Variants in MYO1A observed in about 807,000 individuals in gnomAD.
The protein encoded by MYO1A is myosin IA.
Under a neutral mutation model 138.5 loss-of-function variants are expected in MYO1A, and 127 were observed. The ratio of observed to expected loss-of-function variants is 0.92; its 90% CI spans 0.79 to 1.06. The LOEUF (loss-of-function observed/expected upper bound fraction) is 1.06, where lower values mean the gene tolerates loss of function less well. MYO1A is among the 50% of genes least tolerant of loss of function. The pLI is 0.00. For missense variants in MYO1A, 1,211 were observed against 1,288.8 expected (o/e 0.94, Z 0.92); for synonymous variants, 477 against 497.5 (o/e 0.96, Z 0.55).
At chr12:57,029,917 C>T in intron 24 of MYO1A, 45 bp from the exon 25 acceptor site, 1 of 1,614,002 alleles carries the variant, frequency 6.2e-7, no homozygotes, top group Non-Finnish European at 8.5e-7. Flanking sequence ...GCCCAGAGGC[C>T]TCTTCCCCAC....
chr12:57,042,622 A>T (rs566581825), intron 12 of MYO1A, among the ~76,000 whole-genome samples: 22 of 152,060 alleles, frequency 1.4e-4, no homozygotes, highest in African/African-American at 4.6e-4. Flanking sequence ...TATTTAACTT[A>T]TTTTTTTTCA....
chr12:57,039,472 C>T (rs752325291), intron 14 of MYO1A, 198 bp from the exon 15 acceptor site: 6 of 614,116 alleles, frequency 9.8e-6, no homozygotes, highest in African/African-American at 1.8e-5. Flanking sequence ...TAGACAGACA[C>T]ACGGAAGGAA....
chr12:57,032,430 GATGTCAGATAATGGCATCTGCTGTGATGC>G (rs1402913427), intron 22 of MYO1A, among the ~76,000 whole-genome samples: 2 of 152,212 alleles, frequency 1.3e-5, no homozygotes, highest in Non-Finnish European at 2.9e-5. Flanking sequence ...TATATAGTGT[GATGTCAGATAATGGCATCTGCTGTGATGC>G]AAAGAAGTAG....
At position 57,047,087 on chromosome 12, in the gene MYO1A, T is replaced by C; in HGVS notation, c.451A>G (p.Ile151Val). The change falls in exon 6 of 28, where the codon ATT becomes GTT. Residue 151 changes from isoleucine (I) to valine (V), a missense_variant. Transcript: ENST00000300119. ...VLEAFGNAKT[I>V]RNNNSSRFGK... ...AATCGGGAGGAATTGTTGTTGCGAATGGTCTTGGCATTGCCAAAAGCTACA... is the reference window on the plus strand; with the variant it reads ...AATCGGGAGGAATTGTTGTTGCGAACGGTCTTGGCATTGCCAAAAGCTACA... 1 of 1,614,160 alleles carries C rather than the reference T, an allele frequency of 6.2e-7. No homozygotes were observed. Among genetic ancestry groups the C allele is most frequent in the South Asian group, 1.1e-5 (1 of 91,084 alleles).
Position 57,033,686 on chromosome 12 carries a change from G to A in MYO1A, c.2350-2512C>T, listed in dbSNP as rs1398679926. ...GGTTTTACATCCCATAGAGCACCTAGCAACCTGTTTGTTTATGGCACAGAA... is the reference window on the plus strand; with the variant it reads ...GGTTTTACATCCCATAGAGCACCTAACAACCTGTTTGTTTATGGCACAGAA... On this transcript the variant is annotated intron_variant, in intron 22 of 27. Transcript: ENST00000300119. Among the ~76,000 whole-genome samples the A allele has an allele frequency of 2.0e-5, 3 of 152,098 alleles. No individual in the cohort carries two copies. The East Asian group carries it at 5.8e-4, about 29-fold the overall frequency.
At chr12:57,040,616 T>C (rs2030814489) in intron 14 of MYO1A, among the ~76,000 whole-genome samples, 1 of 152,236 alleles carries the variant, frequency 6.6e-6, no homozygotes, top group Non-Finnish European at 1.5e-5. Flanking sequence ...TTATAACCTA[T>C]TCCTGAGAGC....
At chr12:57,036,272 C>T (rs375456496) in intron 22 of MYO1A, 35 bp downstream of exon 22, 2 of 1,602,330 alleles carry the variant, frequency 1.2e-6, no homozygotes, top group Admixed American at 3.3e-5. Context: ...CTCCCTGCTC[C>T]ATCCCTAACA....
chr12:57,036,264 C>A (rs759732209), intron 22 of MYO1A, 43 bp downstream of exon 22: 2 of 1,593,640 alleles, frequency 1.3e-6, no homozygotes, highest in South Asian at 2.2e-5. Context: ...ACCTGTGCCT[C>A]CCTGCTCCAT....
intron 27 of MYO1A, 121 bp from the exon 28 acceptor site, chr12:57,029,002 G>A: frequency 6.3e-7 from 1 of 1,594,818 alleles, no homozygotes; most frequent in Non-Finnish European, 8.6e-7. Flanking sequence ...ACCTGGGTGG[G>A]GGCCTGAGAA....
At chr12:57,029,348 C>T in intron 26 of MYO1A, 87 bp downstream of exon 26, 5 of 1,613,282 alleles carry the variant, frequency 3.1e-6, no homozygotes, top group Non-Finnish European at 4.2e-6. Flanking sequence ...AGCGAAAGGT[C>T]TGGTCCCCAT....
intron 4 of MYO1A, 74 bp from the exon 5 acceptor site, chr12:57,047,481 C>A: frequency 6.6e-7 from 1 of 1,521,928 alleles, no homozygotes; most frequent in Non-Finnish European, 9.1e-7. Flanking sequence ...ACTTGCTTCA[C>A]CCCAGTGCCT....
intron 1 of MYO1A, among the ~76,000 whole-genome samples, chr12:57,049,066 C>A (rs1029453607): frequency 3.3e-5 from 5 of 152,362 alleles, no homozygotes; most frequent in African/African-American, 1.2e-4. Context: ...ATGTCTGTCT[C>A]TATTTTTCCA....
chr12:57,045,244 G>C (rs950230979), intron 8 of MYO1A, among the ~76,000 whole-genome samples: 2 of 152,092 alleles, frequency 1.3e-5, no homozygotes, highest in African/African-American at 4.8e-5. Context: ...AATGATCAAA[G>C]CTGTTTCCCT....
rs957426139 is a variant in MYO1A at position 57,029,251 on chromosome 12, C to T, written c.2886G>A (p.Ser962=). ...LFSLHLSEMS[S]VGSKGDFLLV... is the part of the protein sequence containing the mutation. ...GCAGGAAGTCCCCCTTGGAGCCCAC[C>T]GATGACATCTTAGGAAGAGGGAAAA... is the stretch of plus-strand genomic sequence containing the variant. Residue 962 remains serine (S), a synonymous_variant, in exon 27 of 28, where the codon TCG becomes TCA. Transcript: ENST00000300119. 24 of 1,614,044 alleles carry T rather than the reference C, an allele frequency of 1.5e-5. No individual in the cohort carries two copies. The highest frequency in any genetic ancestry group is 1.5e-4 in the African/African-American group (11 of 75,006).
chr12:57,037,480 C>A (rs71461307), intron 19 of MYO1A, 68 bp downstream of exon 19: 1 of 1,382,294 alleles, frequency 7.2e-7, no homozygotes, highest in African/African-American at 1.4e-5. Flanking sequence ...CCCTCCCCCT[C>A]CAGCCTTTCT....
intron 24 of MYO1A, 43 bp downstream of exon 24, chr12:57,030,167 C>T (rs1253125857): frequency 2.0e-6 from 3 of 1,528,224 alleles, no homozygotes; most frequent in Admixed American, 1.7e-5. Context: ...TTGAGAACTG[C>T]TGCGTGATGG....
chr12:57,038,298 G>T, intron 17 of MYO1A, 114 bp downstream of exon 17: 1 of 1,254,374 alleles, frequency 8.0e-7, no homozygotes, highest in South Asian at 1.3e-5. Flanking sequence ...GTGAGGAAAG[G>T]ACCTCTGACA....
In MYO1A at chr12:57,043,094, T is replaced by C. The variant is rs746593916; in HGVS notation, c.1076A>G (p.Asn359Ser). 2 of 1,614,148 alleles carry C rather than the reference T, an allele frequency of 1.2e-6. No individual in the cohort carries two copies. The highest frequency in any genetic ancestry group is 1.1e-5 in the South Asian group (1 of 91,072). ...TGCCTTGATGCTCTCATTGATTCGA[T>C]TCACTATCCAGTCAAAGAGGCGGCT... Reference protein sequence around the residue: ...IYSRLFDWIVNRINESIKVGI... With the variant: ...IYSRLFDWIVSRINESIKVGI... Residue 359 changes from asparagine (N) to serine (S), a missense_variant, in exon 12 of 28, where the codon AAT (asparagine) becomes AGT (serine). Physicochemically the swap from Asn to Ser is conservative, Grantham distance 46. Transcript: ENST00000300119.
chr12:57,039,331 C>T, intron 14 of MYO1A, 57 bp from the exon 15 acceptor site: 1 of 1,356,796 alleles, frequency 7.4e-7, no homozygotes, highest in Non-Finnish European at 1.1e-6. Flanking sequence ...CCTCCAGAGA[C>T]CTCACCAGAT....
Sources: allele counts gnomAD v4.1 joint callset (sites outside exome capture counted in the v4.1 genomes callset), GRCh38; gene constraint gnomAD v4.1.1; transcripts MANE v1.5; gene names NCBI Gene and HGNC (gene_info 2026-07-23, HGNC 2026-07-21).